CEACAM20: variants seen among roughly 807,000 people sequenced by gnomAD.
CEACAM20 encodes the protein CEA cell adhesion molecule 20, also known as cell adhesion molecule CEACAM20.
CEACAM20 carries 50 observed loss-of-function variants against 61.2 expected under a neutral mutation model. The observed-to-expected ratio is 0.82, with a 90% confidence interval of 0.65 to 1.03. The LOEUF is 1.03. Among genes scored for constraint, CEACAM20 ranks in the 50% least tolerant of loss-of-function variants. The pLI is 0.00. For missense variants in CEACAM20, 683 were observed against 736.4 expected (o/e 0.93, Z 0.84); for synonymous variants, 282 against 287.7 (o/e 0.98, Z 0.20).
At chr19:44,520,101 A>G (rs1278300006) in intron 5 of CEACAM20, among the ~76,000 whole-genome samples, 1 of 152,190 alleles carries the variant, frequency 6.6e-6, no homozygotes, top group Non-Finnish European at 1.5e-5. Flanking sequence ...AAACCCTTGC[A>G]TGAATAATCC....
chr19:44,525,227 A>G lies in CEACAM20; in HGVS notation c.70T>C (p.Trp24Arg). The change falls in exon 2 of 12, where the codon TGG becomes CGG. Residue 24 changes from tryptophan to arginine, a missense_variant. Physicochemically the swap from Trp to Arg is moderately radical, Grantham distance 101. Coordinates refer to ENST00000614924, the MANE Select transcript of CEACAM20 (RefSeq NM_001102597.3). ...ILLSASLCTV[W>R]SPPAAAQLTL... ...AGCTGGGCTGCAGCTGGAGGACTCC[A>G]TACGGTACAAAGCGAGGCTACAAGG... 6.2e-7 allele frequency: 1 copy of G among 1,605,028 alleles called. No individual in the cohort carries two copies. Among genetic ancestry groups the G allele is most frequent in the Non-Finnish European group, 8.5e-7 (1 of 1,176,498 alleles).
intron 11 of CEACAM20, among the ~76,000 whole-genome samples, chr19:44,507,529 G>T (rs1386157490): frequency 6.6e-6 from 1 of 152,194 alleles, no homozygotes; most frequent in Non-Finnish European, 1.5e-5. Flanking sequence ...AGAATGAGAT[G>T]AATTCATAGA....
At chr19:44,526,144 T>G (rs1435845081) in intron 1 of CEACAM20, among the ~76,000 whole-genome samples, 1 of 152,178 alleles carries the variant, frequency 6.6e-6, no homozygotes. Flanking sequence ...TATTAACTTT[T>G]GGTACTTCCT....
chr19:44,509,333 T>A (rs1970905491), intron 11 of CEACAM20, among the ~76,000 whole-genome samples: 2 of 146,766 alleles, frequency 1.4e-5, no homozygotes, highest in African/African-American at 2.5e-5. Flanking sequence ...AAGTATAACA[T>A]TAAAGAATAA....
chr19:44,507,400 A>G (rs1183728590), intron 11 of CEACAM20, among the ~76,000 whole-genome samples: 1 of 152,192 alleles, frequency 6.6e-6, no homozygotes, highest in Admixed American at 6.5e-5. Flanking sequence ...TGATTCTTCT[A>G]TGGAGAATTT....
intron 11 of CEACAM20, among the ~76,000 whole-genome samples, chr19:44,510,611 A>AGAAAGAAAGAAAGAAAGAAAGAAAGG (rs71171251): frequency 1.4e-5 from 1 of 72,382 alleles, no homozygotes; most frequent in East Asian, 4.8e-4. Flanking sequence ...AAAGAAAGAA[A>AGAAAGAAAGAAAGAAAGAAAGAAAGG]AAGGAAGGAA....
intron 11 of CEACAM20, 35 bp downstream of exon 11, chr19:44,510,995 C>T (rs1334382414): frequency 6.2e-7 from 1 of 1,612,532 alleles, no homozygotes; most frequent in African/African-American, 1.3e-5. Context: ...GACAGATTTC[C>T]ACCTGTCCAA....
At chr19:44,509,373 A>G (rs576288277) in intron 11 of CEACAM20, among the ~76,000 whole-genome samples, 30 of 145,676 alleles carry the variant, frequency 2.1e-4, no homozygotes, top group Admixed American at 8.9e-4. Context: ...AAAAAAAAAC[A>G]GAAAAGGGGG....
chr19:44,525,250 A>C lies in CEACAM20; in HGVS notation c.53-6T>G, dbSNP rs753132327. On this transcript the variant is annotated splice_region_variant and splice_polypyrimidine_tract_variant and intron_variant, in intron 1 of 11. Transcript: ENST00000614924. ...CCATACGGTACAAAGCGAGGCTACA[A>C]GGGGAGAGAGGAGGCATTCAGGGAG... The C allele has an allele frequency of 6.4e-6, 10 of 1,565,942 alleles. No individual in the cohort carries two copies. The highest frequency in any genetic ancestry group is 5.6e-5 in the African/African-American group (4 of 71,762).
intron 6 of CEACAM20, among the ~76,000 whole-genome samples, chr19:44,515,437 A>G (rs2123580108): frequency 6.6e-6 from 1 of 152,294 alleles, no homozygotes; most frequent in Non-Finnish European, 1.5e-5. Context: ...AAATGAGGTA[A>G]TTTGGAAGTT....
chr19:44,511,431 A>C (rs551080715), intron 10 of CEACAM20, among the ~76,000 whole-genome samples: 1 of 152,226 alleles, frequency 6.6e-6, no homozygotes, highest in African/African-American at 2.4e-5. Context: ...CAAGCCCTGG[A>C]GGTGGAAGGA....
Position 44,529,566 on chromosome 19 carries a change from A to G in CEACAM20, c.-57T>C. ...CCGTCTGTCGCCCCGGCTTGCACAC[A>G]CAGATACAGTCCTCACTCCAGGTGC... is the stretch of plus-strand genomic sequence containing the variant. On this transcript the variant is annotated 5_prime_UTR_variant, in exon 1 of 12. Coordinates refer to ENST00000614924, the MANE Select transcript of CEACAM20 (RefSeq NM_001102597.3). The G allele has an allele frequency of 6.6e-7, 1 of 1,517,070 alleles. No individual in the cohort carries two copies. The highest frequency in any genetic ancestry group is 9.1e-7 in the Non-Finnish European group (1 of 1,093,210). The allele number at this position is 1,517,070 out of a possible 1,614,324, so 94.0% of individuals were successfully genotyped here.
Position 44,517,494 on chromosome 19 carries a change from G to A in CEACAM20, c.1031-270C>T, listed in dbSNP as rs548140134. ...AGGCAGATCACGAGGTCAGGAGATC[G>A]AGACCATTCTGGCTAACATGGTGAA... On this transcript the variant is annotated intron_variant, in intron 5 of 11. Transcript: ENST00000614924. 5.5e-4 allele frequency among the ~76,000 whole-genome samples: 84 copies of A among 151,996 alleles called. No individual in the cohort carries two copies. The East Asian group carries it at 0.014, about 25-fold the overall frequency.
rs767105799 is a variant in CEACAM20, at chr19:44,513,124, G to C, written c.1427+48C>G. ...GCAACACGCCCGGCAAGCGCCCCCT[G>C]CTGGCCACATCCCCATCCCCATCCC... On this transcript the variant is annotated intron_variant, in intron 7 of 11. Coordinates refer to ENST00000614924, the MANE Select transcript of CEACAM20 (RefSeq NM_001102597.3). The C allele has an allele frequency of 2.7e-6, 4 of 1,480,720 alleles. No individual in the cohort carries two copies. In the African/African-American group the frequency reaches 4.1e-5, roughly 15 times the overall value. 91.7% of individuals were successfully genotyped at this position (1,480,720 alleles called of 1,614,324 possible).
intron 1 of CEACAM20, among the ~76,000 whole-genome samples, chr19:44,528,030 G>A (rs181461818): frequency 5.9e-5 from 9 of 151,868 alleles, no homozygotes; most frequent in East Asian, 1.9e-4. Flanking sequence ...CTCTCCCCGC[G>A]TTTCTGAATC....
chr19:44,528,791 C>G (rs1437777182), intron 1 of CEACAM20, among the ~76,000 whole-genome samples: 1 of 150,420 alleles, frequency 6.6e-6, no homozygotes, highest in Non-Finnish European at 1.5e-5. Context: ...CTCTCTGTGT[C>G]TGTTTCTCTC....
chr19:44,511,965 A>G, intron 9 of CEACAM20, 52 bp downstream of exon 9: 2 of 1,522,542 alleles, frequency 1.3e-6, no homozygotes, highest in Non-Finnish European at 9.0e-7. Context: ...AAGTAAGACT[A>G]TAGCAGCCTG....
At chr19:44,519,346 CAG>C (rs1199982656) in intron 5 of CEACAM20, among the ~76,000 whole-genome samples, 1 of 152,138 alleles carries the variant, frequency 6.6e-6, no homozygotes, top group African/African-American at 2.4e-5. Flanking sequence ...TTGCTTAGCA[CAG>C]AGAGAGCACA....
At position 44,511,168 on chromosome 19, in the gene CEACAM20, A is replaced by G. The variant is rs754827540; in HGVS notation, c.1612-13T>C. 108 of 1,613,064 alleles carry G rather than the reference A, an allele frequency of 6.7e-5. No individual in the cohort carries two copies. Among genetic ancestry groups the G allele is most frequent in the Non-Finnish European group, 8.8e-5 (104 of 1,179,608 alleles). Reference sequence around the variant, plus strand: ...AAGGCAGCTTCGTCTGCAAGTAAGCAGAGAAATTAGGCAGGGCCCACAGAC... The same window carrying G: ...AAGGCAGCTTCGTCTGCAAGTAAGCGGAGAAATTAGGCAGGGCCCACAGAC... On this transcript the variant is annotated splice_polypyrimidine_tract_variant and intron_variant, in intron 10 of 11. Transcript: ENST00000614924.
Sources: gnomAD v4.1 joint callset for allele counts (sites outside exome capture counted in the v4.1 genomes callset) on GRCh38, gnomAD v4.1.1 for gene constraint, MANE v1.5 for transcripts, NCBI Gene and HGNC (gene_info 2026-07-23, HGNC 2026-07-21) for gene names.